Variants in TNS3 observed in about 807,000 individuals in gnomAD.
TNS3 encodes tensin-3.
A neutral mutation model predicts 140.9 loss-of-function variants in TNS3; 45 were observed. The ratio of observed to expected loss-of-function variants is 0.32; its 90% CI spans 0.25 to 0.41. The LOEUF is 0.41. Among genes scored for constraint, TNS3 ranks in the 10% least tolerant of loss-of-function variants. The pLI is 1.00. For synonymous variants in TNS3, 815 were observed against 788.4 expected (o/e 1.03, Z -0.56); for missense variants, 1,716 against 1,906.7 (o/e 0.90, Z 1.86).
intron 16 of TNS3, among the ~76,000 whole-genome samples, chr7:47,391,890 A>G (rs1792539353): frequency 6.6e-6 from 1 of 152,110 alleles, no homozygotes; most frequent in African/African-American, 2.4e-5. Flanking sequence ...TCAAAGAGGA[A>G]AGTCAAGGGT....
chr7:47,531,143 T>C (rs1799390480), intron 1 of TNS3, among the ~76,000 whole-genome samples: 1 of 151,878 alleles, frequency 6.6e-6, no homozygotes, highest in African/African-American at 2.4e-5. Flanking sequence ...ATTGAAAAAC[T>C]ACCTATCGAG....
chr7:47,489,009 C>A (rs1009364735), intron 3 of TNS3, among the ~76,000 whole-genome samples: 2 of 152,210 alleles, frequency 1.3e-5, no homozygotes. Context: ...TTCTCTGCTT[C>A]CTTCAAGAGC....
intron 3 of TNS3, among the ~76,000 whole-genome samples, chr7:47,499,892 G>C (rs1388884079): frequency 6.6e-6 from 1 of 152,124 alleles, no homozygotes; most frequent in Non-Finnish European, 1.5e-5. Flanking sequence ...CAAATGTGCT[G>C]TTCTGGTGCG....
chr7:47,543,617 T>C (rs766298709), intron 1 of TNS3, among the ~76,000 whole-genome samples: 3 of 152,248 alleles, frequency 2.0e-5, no homozygotes, highest in Non-Finnish European at 4.4e-5. Context: ...GAAGCAGGAC[T>C]TGAAAGCAGT....
intron 9 of TNS3, among the ~76,000 whole-genome samples, 180 bp from the exon 10 acceptor site, chr7:47,424,364 A>C (rs1484453266): frequency 6.6e-6 from 1 of 152,186 alleles, no homozygotes; most frequent in Non-Finnish European, 1.5e-5. Flanking sequence ...TTTCCCCCGC[A>C]GGAATATGCT....
At chr7:47,515,633 CCAA>C (rs1473135973) in intron 2 of TNS3, among the ~76,000 whole-genome samples, 1 of 151,990 alleles carries the variant, frequency 6.6e-6, no homozygotes, top group Non-Finnish European at 1.5e-5. Context: ...ACCATCTTCA[CCAA>C]CATCATACCA....
chr7:47,518,019 A>G (rs1798836202), intron 2 of TNS3, among the ~76,000 whole-genome samples: 1 of 152,198 alleles, frequency 6.6e-6, no homozygotes, highest in Admixed American at 6.5e-5. Context: ...TCAATCAATC[A>G]AGAATCAGTC....
At position 47,424,144 on chromosome 7, in the gene TNS3, A is replaced by T. The variant is rs1469652464; in HGVS notation, c.430T>A (p.Tyr144Asn). ...ALDRFAMKKF[Y>N]DDKVSALMQP... ...ATTAAAGCTGAAACTTTGTCATCAT[A>T]AAACTTCTTCATTGCAAACCTGTCA... Residue 144 changes from tyrosine to asparagine, a missense_variant, in exon 10 of 31, where the codon TAT (tyrosine) becomes AAT (asparagine). Around this residue, in one of 3 missense-constraint regions of TNS3, gnomAD observed 337 missense variants for 428.9 expected, o/e 0.79. Transcript: ENST00000311160. The T allele has an allele frequency of 6.2e-7, 1 of 1,614,212 alleles. No individual in the cohort carries two copies. Among genetic ancestry groups the T allele is most frequent in the Non-Finnish European group, 8.5e-7 (1 of 1,180,042 alleles).
chr7:47,395,821 G>T (rs890870166), intron 16 of TNS3, among the ~76,000 whole-genome samples: 1 of 152,114 alleles, frequency 6.6e-6, no homozygotes, highest in African/African-American at 2.4e-5. Context: ...GTGTATTTGG[G>T]TTGCAACAAT....
chr7:47,441,916 G>GA (rs1795483764), intron 5 of TNS3, 87 bp downstream of exon 5: 1 of 980,932 alleles, frequency 1.0e-6, no homozygotes, highest in Non-Finnish European at 1.4e-6. Context: ...TTCTACAGAA[G>GA]AAAATGATGC....
chr7:47,441,934 A>G, intron 5 of TNS3, 69 bp downstream of exon 5: 1 of 1,134,462 alleles, frequency 8.8e-7, no homozygotes. Flanking sequence ...TGCCATGCCC[A>G]AGTTTCCTCT....
chr7:47,529,991 A>C (rs147971525), intron 1 of TNS3, among the ~76,000 whole-genome samples: 7 of 152,378 alleles, frequency 4.6e-5, no homozygotes, highest in Middle Eastern at 6.8e-3. Flanking sequence ...CTACTTTAGA[A>C]AATGGTTTGA....
chr7:47,456,722 C>A (rs894838678), intron 4 of TNS3, among the ~76,000 whole-genome samples: 1 of 152,012 alleles, frequency 6.6e-6, no homozygotes, highest in African/African-American at 2.4e-5. Context: ...GGTGCAGGCC[C>A]GGCAAGCACA....
chr7:47,389,108 GCAGAAGAAGAAGAAGAAGAA>G (rs1792330482), intron 16 of TNS3, among the ~76,000 whole-genome samples: 2 of 29,074 alleles, frequency 6.9e-5, no homozygotes, highest in African/African-American at 1.5e-4. Flanking sequence ...GGAAGCGGAA[GCAGAAGAAGAAGAAGAAGAA>G]GAAGAAGAAG....
intron 20 of TNS3, among the ~76,000 whole-genome samples, chr7:47,330,302 C>T (rs1193936809): frequency 6.6e-6 from 1 of 152,194 alleles, no homozygotes; most frequent in African/African-American, 2.4e-5. Flanking sequence ...CTCTCAGAAA[C>T]ACAGGTGCTG....
At chr7:47,577,672 T>C (rs1340388922) in intron 1 of TNS3, among the ~76,000 whole-genome samples, 1 of 152,202 alleles carries the variant, frequency 6.6e-6, no homozygotes, top group Non-Finnish European at 1.5e-5. Context: ...CAGGATGGCA[T>C]ACATGCACGG....
intron 20 of TNS3, among the ~76,000 whole-genome samples, chr7:47,306,009 A>G (rs1786729088): frequency 6.6e-6 from 1 of 152,162 alleles, no homozygotes; most frequent in Non-Finnish European, 1.5e-5. Flanking sequence ...CAGGACTATC[A>G]CCTCACATGC....
intron 20 of TNS3, among the ~76,000 whole-genome samples, chr7:47,322,680 G>A (rs1787815289): frequency 6.6e-6 from 1 of 152,142 alleles, no homozygotes; most frequent in Admixed American, 6.5e-5. Flanking sequence ...ATAAAACTGA[G>A]GGGAGTGCCT....
chr7:47,396,630 A>G, intron 16 of TNS3, 170 bp downstream of exon 16: 1 of 642,854 alleles, frequency 1.6e-6, no homozygotes, highest in South Asian at 1.8e-5. Flanking sequence ...ATTCTCACGA[A>G]GACCCTCAAA....
Sources: gnomAD v4.1 joint callset for allele counts (sites outside exome capture counted in the v4.1 genomes callset) on GRCh38, gnomAD v4.1.1 for gene constraint, gnomAD v4.1.1 regional missense constraint, MANE v1.5 for transcripts, NCBI Gene and HGNC (gene_info 2026-07-23, HGNC 2026-07-21) for gene names.